The following ZIM2 variants were observed in gnomAD, a reference collection of about 807,000 sequenced individuals.
The protein encoded by ZIM2 is zinc finger protein 656.
A neutral mutation model predicts 38.6 loss-of-function variants in ZIM2; 14 were observed. The ratio of observed to expected loss-of-function variants is 0.36; its 90% CI spans 0.24 to 0.57. The LOEUF is 0.57. ZIM2 is among the 20% of genes least tolerant of loss of function. The pLI is 0.81. For missense variants in ZIM2, 680 were observed against 695.1 expected, an observed-to-expected ratio of 0.98 and a Z score of 0.24; for synonymous variants, 247 against 245.8, an observed-to-expected ratio of 1.00 and a Z score of -0.04.
intron 9 of ZIM2, among the ~76,000 whole-genome samples, chr19:56,792,642 C>T (rs893472435): frequency 1.4e-5 from 2 of 145,990 alleles, no homozygotes; most frequent in African/African-American, 5.1e-5. Flanking sequence ...GAACAATAAA[C>T]ACGGAAAATT....
intron 9 of ZIM2, among the ~76,000 whole-genome samples, chr19:56,808,555 G>A (rs2047880486): frequency 6.6e-6 from 1 of 152,072 alleles, no homozygotes; most frequent in Non-Finnish European, 1.5e-5. Context: ...TGGCTGGTGG[G>A]GAGATATGGT....
At chr19:56,789,769 T>G in intron 10 of ZIM2, 103 bp downstream of exon 10, 4 of 1,029,394 alleles carry the variant, frequency 3.9e-6, no homozygotes, top group Non-Finnish European at 5.2e-6. Flanking sequence ...ATATAAAAAC[T>G]TAATGGAAAT....
chr19:56,835,807 G>A (rs1310308161), intron 2 of ZIM2, among the ~76,000 whole-genome samples: 1 of 152,224 alleles, frequency 6.6e-6, no homozygotes, highest in East Asian at 1.9e-4. Context: ...ATGAGAAAAA[G>A]AGGGAGGATA....
At chr19:56,810,593 A>G (rs2048066589) in intron 9 of ZIM2, 1 of 930,750 alleles carries the variant, frequency 1.1e-6, no homozygotes, top group African/African-American at 1.8e-5. Context: ...TGGAAAATAC[A>G]TACATAAAAT....
At chr19:56,810,140 T>A in intron 9 of ZIM2, 1 of 973,108 alleles carries the variant, frequency 1.0e-6, no homozygotes, top group South Asian at 4.8e-5. Context: ...ACCACAACCA[T>A]ATTAACAAAC....
intron 2 of ZIM2, among the ~76,000 whole-genome samples, chr19:56,832,104 T>C (rs1017058603): frequency 1.3e-5 from 2 of 152,246 alleles, no homozygotes; most frequent in Non-Finnish European, 2.9e-5. Context: ...AAATGATTAA[T>C]AATAACAAGT....
At chr19:56,806,831 G>C (rs935551816) in intron 9 of ZIM2, among the ~76,000 whole-genome samples, 1 of 152,158 alleles carries the variant, frequency 6.6e-6, no homozygotes, top group Admixed American at 6.5e-5. Context: ...TTTGCCATGT[G>C]AGGATGCAGC....
chr19:56,830,926 C>T (rs1192766901), intron 2 of ZIM2, among the ~76,000 whole-genome samples: 1 of 149,154 alleles, frequency 6.7e-6, no homozygotes, highest in African/African-American at 2.5e-5. Context: ...GACTGAATCA[C>T]CAAAAAAATA....
chr19:56,807,822 C>T (rs1162762611), intron 9 of ZIM2, among the ~76,000 whole-genome samples: 1 of 151,894 alleles, frequency 6.6e-6, no homozygotes, highest in Non-Finnish European at 1.5e-5. Context: ...AAAGAAAACA[C>T]ATTTGTGCTA....
At chr19:56,815,546 C>G in intron 9 of ZIM2, 2 of 1,614,096 alleles carry the variant, frequency 1.2e-6, no homozygotes, top group Non-Finnish European at 8.5e-7. Flanking sequence ...TAGAGCATCC[C>G]TCGAGGGCGA....
chr19:56,823,656 T>C lies in ZIM2; in HGVS notation c.40A>G (p.Ser14Gly), dbSNP rs758502120. The change falls in exon 5 of 13, where the codon AGC (serine) becomes GGC (glycine). Residue 14 changes from serine (S) to glycine (G), a missense_variant. Coordinates refer to ENST00000629319, the MANE Select transcript of ZIM2 (RefSeq NM_001387356.1). The stretch of plus-strand genomic sequence containing the variant: ...CTGTTCCGGGTCATGTCGTCGTCGC[T>C]GGTCACGTCACTGTTGTTGTCGTCT... ...PEDDNNSDVT[S>G]DDDMTRNRRE... is the part of the protein sequence containing the mutation. The C allele has an allele frequency of 8.7e-6, 14 of 1,614,118 alleles. No homozygotes were observed. The East Asian group carries it at 2.7e-4, about 31-fold the overall frequency.
At chr19:56,830,720 T>C (rs2061495134) in intron 2 of ZIM2, among the ~76,000 whole-genome samples, 1 of 152,120 alleles carries the variant, frequency 6.6e-6, no homozygotes, top group South Asian at 2.1e-4. Flanking sequence ...TCTCCATAAA[T>C]AAATTTAACA....
intron 9 of ZIM2, chr19:56,799,009 T>C (rs1425773834): frequency 6.6e-6 from 1 of 152,170 alleles, no homozygotes; most frequent in African/African-American, 2.4e-5. Flanking sequence ...TTTTATACGT[T>C]GGTTGGAGTA....
At chr19:56,825,575 T>TA (rs397763912) in intron 3 of ZIM2, among the ~76,000 whole-genome samples, 8 of 152,050 alleles carry the variant, frequency 5.3e-5, no homozygotes, top group African/African-American at 1.2e-4. Context: ...TCCTTTTTTT[T>TA]ATGTAACCAA....
intron 2 of ZIM2, among the ~76,000 whole-genome samples, chr19:56,828,910 T>C (rs933853550): frequency 2.0e-5 from 3 of 152,188 alleles, no homozygotes; most frequent in African/African-American, 7.2e-5. Flanking sequence ...AGCTAGCTGG[T>C]GCAGGCATGA....
chr19:56,821,345 A>C (rs1265032280), intron 7 of ZIM2, among the ~76,000 whole-genome samples: 1 of 152,198 alleles, frequency 6.6e-6, no homozygotes, highest in Non-Finnish European at 1.5e-5. Flanking sequence ...TGAGGACCAG[A>C]AACATCTCCA....
chr19:56,812,927 C>T (rs1366873293), intron 9 of ZIM2: 3 of 985,438 alleles, frequency 3.0e-6, no homozygotes, highest in East Asian at 2.3e-4. Flanking sequence ...AAAGCCAATC[C>T]GTATATTGTA....
chr19:56,812,148 T>C lies in ZIM2; in HGVS notation c.490+5598A>G, dbSNP rs55636929. 1.4e-4 allele frequency: 132 copies of C among 969,596 alleles called. No individual in the cohort carries two copies. The African/African-American group carries it at 2.2e-3, about 16-fold the overall frequency. 60.1% of individuals were successfully genotyped at this position (969,596 alleles called of 1,614,324 possible). A position where few individuals can be genotyped will look rare whatever the true frequency, so the allele number is the denominator to read the frequency against. ...AAATTTTTTAAATTTTATATTTTTT[T>C]TCCAGCCAACTCAAGGCCAAAAAAA... On this transcript the variant is annotated intron_variant, in intron 9 of 12. Transcript: ENST00000629319.
chr19:56,802,430 G>A (rs143528635), intron 9 of ZIM2, among the ~76,000 whole-genome samples: 1 of 152,266 alleles, frequency 6.6e-6, no homozygotes, highest in African/African-American at 2.4e-5. Flanking sequence ...AAAAAGCTTA[G>A]AAAACAGGGA....
Sources: allele counts gnomAD v4.1 joint callset (sites outside exome capture counted in the v4.1 genomes callset), GRCh38; gene constraint gnomAD v4.1.1; transcripts MANE v1.5; gene names NCBI Gene and HGNC (gene_info 2026-07-23, HGNC 2026-07-21).